Variants in NKAIN2 observed in about 807,000 individuals in gnomAD.
The protein encoded by NKAIN2 is sodium/potassium transporting ATPase interacting 2.
A neutral mutation model predicts 32.6 loss-of-function variants in NKAIN2; 14 were observed. The ratio of observed to expected loss-of-function variants is 0.43; its 90% CI spans 0.28 to 0.67. The LOEUF (loss-of-function observed/expected upper bound fraction) is 0.67. Among genes scored for constraint, NKAIN2 ranks in the 30% least tolerant of loss-of-function variants. NKAIN2 has a pLI of 0.17. For missense variants in NKAIN2, 198 were observed against 258.3 expected (o/e 0.77, Z 1.60); for synonymous variants, 80 against 87.2 (o/e 0.92, Z 0.46).
chr6:124,438,609 G>C (rs1234761422), intron 3 of NKAIN2, among the ~76,000 whole-genome samples: 1 of 152,106 alleles, frequency 6.6e-6, no homozygotes, highest in Non-Finnish European at 1.5e-5. Flanking sequence ...TTTTGCAGCT[G>C]AATCTGTGGC....
At chr6:124,521,212 C>T (rs1461396408) in intron 3 of NKAIN2, among the ~76,000 whole-genome samples, 1 of 152,176 alleles carries the variant, frequency 6.6e-6, no homozygotes, top group Non-Finnish European at 1.5e-5. Flanking sequence ...GTTCCCATCA[C>T]TGTTCCCCGT....
intron 3 of NKAIN2, among the ~76,000 whole-genome samples, chr6:124,508,544 C>T (rs571915548): frequency 1.5e-3 from 221 of 151,854 alleles, no homozygotes; most frequent in Admixed American, 3.9e-3. Context: ...GGGGTTTCAC[C>T]GTGTTAGCCA....
chr6:124,065,404 CAT>C (rs763991444), intron 1 of NKAIN2, among the ~76,000 whole-genome samples: 2 of 152,114 alleles, frequency 1.3e-5, no homozygotes, highest in African/African-American at 4.8e-5. Context: ...CCCCAAAATT[CAT>C]ATGTTGAAAC....
intron 3 of NKAIN2, among the ~76,000 whole-genome samples, chr6:124,449,369 A>G (rs934744719): frequency 5.9e-5 from 9 of 152,226 alleles, no homozygotes; most frequent in East Asian, 1.9e-4. Flanking sequence ...GGGCAAAAAC[A>G]TGCACCAGCC....
intron 1 of NKAIN2, among the ~76,000 whole-genome samples, chr6:123,936,637 A>C (rs2114537679): frequency 6.6e-6 from 1 of 152,240 alleles, no homozygotes; most frequent in African/African-American, 2.4e-5. Flanking sequence ...ATGAAGACAA[A>C]ATGTACATTG....
chr6:123,886,345 A>G (rs1024581862), intron 1 of NKAIN2, among the ~76,000 whole-genome samples: 1 of 152,114 alleles, frequency 6.6e-6, no homozygotes, highest in Non-Finnish European at 1.5e-5. Flanking sequence ...ACATGATGGC[A>G]TATTTTGCAG....
intron 2 of NKAIN2, among the ~76,000 whole-genome samples, chr6:124,287,113 A>T (rs755248926): frequency 6.6e-6 from 1 of 152,188 alleles, no homozygotes; most frequent in Non-Finnish European, 1.5e-5. Flanking sequence ...GATACTTAGT[A>T]TGTCTATCTT....
chr6:124,272,796 C>T (rs182958190), intron 1 of NKAIN2, among the ~76,000 whole-genome samples: 85 of 152,298 alleles, frequency 5.6e-4, no homozygotes, highest in Non-Finnish European at 1.1e-3. Context: ...CTTCCCAAGG[C>T]CTTGGGAGCC....
At chr6:124,643,963 T>A (rs1784078565) in intron 3 of NKAIN2, among the ~76,000 whole-genome samples, 1 of 152,222 alleles carries the variant, frequency 6.6e-6, no homozygotes, top group Non-Finnish European at 1.5e-5. Flanking sequence ...ATTTTAGCTC[T>A]TTATTGAAAT....
intron 1 of NKAIN2, among the ~76,000 whole-genome samples, chr6:123,955,196 C>CAAAAAAA (rs5879708): frequency 1.9e-5 from 2 of 105,010 alleles, no homozygotes; most frequent in Non-Finnish European, 4.3e-5. Context: ...ACAGAAAAAC[C>CAAAAAAA]AAAAAAAAAA....
intron 3 of NKAIN2, among the ~76,000 whole-genome samples, chr6:124,442,184 C>T (rs1047253776): frequency 6.6e-6 from 1 of 152,070 alleles, no homozygotes; most frequent in African/African-American, 2.4e-5. Context: ...CCCTTTGCCA[C>T]TGTCTGTGAG....
intron 1 of NKAIN2, among the ~76,000 whole-genome samples, chr6:124,151,523 C>A (rs1241025286): frequency 2.0e-5 from 3 of 151,928 alleles, no homozygotes; most frequent in African/African-American, 7.2e-5. Flanking sequence ...GAACTAATTT[C>A]TTATGGTTGT....
chr6:124,186,143 G>A (rs1349865653), intron 1 of NKAIN2, among the ~76,000 whole-genome samples: 2 of 126,722 alleles, frequency 1.6e-5, no homozygotes, highest in African/African-American at 3.0e-5. Flanking sequence ...AGAAAAGAAA[G>A]GAAGGAAGGA....
intron 3 of NKAIN2, among the ~76,000 whole-genome samples, chr6:124,600,750 T>C (rs1782274331): frequency 6.6e-6 from 1 of 152,106 alleles, no homozygotes. Flanking sequence ...CAGTTATAGT[T>C]TTTTTGGAAA....
At chr6:124,743,442 A>AT (rs11372449) in intron 4 of NKAIN2, among the ~76,000 whole-genome samples, 61,301 of 151,580 alleles carry the variant, frequency 0.4, 13,029 homozygotes, top group Non-Finnish European at 0.48. Flanking sequence ...CATTATTAAC[A>AT]TTTTTAAATC....
At chr6:124,532,245 G>A (rs954139637) in intron 3 of NKAIN2, among the ~76,000 whole-genome samples, 25 of 152,118 alleles carry the variant, frequency 1.6e-4, no homozygotes, top group Non-Finnish European at 3.4e-4. Flanking sequence ...ACAATGTGGA[G>A]TTAACACTGA....
At chr6:124,231,343 CTT>C (rs1792451742) in intron 1 of NKAIN2, among the ~76,000 whole-genome samples, 1 of 152,164 alleles carries the variant, frequency 6.6e-6, no homozygotes, top group African/African-American at 2.4e-5. Context: ...TCAGATAAGA[CTT>C]TAGACTGTCA....
At chr6:123,954,069 A>G (rs530898548) in intron 1 of NKAIN2, among the ~76,000 whole-genome samples, 10 of 152,312 alleles carry the variant, frequency 6.6e-5, no homozygotes, top group African/African-American at 1.9e-4. Context: ...CCATGCTCCA[A>G]TGACTCACGC....
chr6:124,064,117 A>C (rs1323570370), intron 1 of NKAIN2, among the ~76,000 whole-genome samples: 2 of 151,756 alleles, frequency 1.3e-5, no homozygotes, highest in African/African-American at 2.4e-5. Context: ...TGCCCGGCTA[A>C]TTTTTTATAT....
Sources: allele counts gnomAD v4.1 joint callset (sites outside exome capture counted in the v4.1 genomes callset), GRCh38; gene constraint gnomAD v4.1.1; transcripts MANE v1.5; gene names NCBI Gene and HGNC (gene_info 2026-07-23, HGNC 2026-07-21).